UNC80: variants seen among roughly 807,000 people sequenced by gnomAD.
UNC80 encodes protein unc-80 homolog.
A neutral mutation model predicts 384.6 loss-of-function variants in UNC80; 164 were observed. The observed-to-expected ratio is 0.43, with a 90% CI of 0.38 to 0.49. UNC80 has a LOEUF of 0.49. UNC80 is among the 20% of genes least tolerant of loss of function. UNC80 has a pLI of 0.00. For missense variants in UNC80, 3,330 were observed against 4,143.0 expected (o/e 0.80, Z 5.39); for synonymous variants, 1,486 against 1,527.8 (o/e 0.97, Z 0.64).
Position 209,984,894 on chromosome 2 carries a change from C to T in UNC80, c.9296C>T (p.Ala3099Val). The part of the protein sequence containing the change: ...NVLDDSQGLA[A>V]EGSLSRVASI... ...CTCGATGACTCCCAGGGCCTGGCCG[C>T]CGAGGGCAGCCTCTCTAGGTACAGT... The change falls in exon 61 of 65, where the codon GCC becomes GTC. Residue 3099 changes from alanine to valine, a missense_variant. Physicochemically the swap from Ala to Val is moderately conservative, Grantham distance 64 (BLOSUM62 0). Transcript: ENST00000673920. The T allele has an allele frequency of 6.4e-7, 1 of 1,551,012 alleles. No homozygotes were observed.
intron 23 of UNC80, among the ~76,000 whole-genome samples, chr2:209,874,343 G>C (rs2084582292): frequency 1.3e-5 from 2 of 152,148 alleles, no homozygotes; most frequent in South Asian, 2.1e-4. Flanking sequence ...GTCTTATTGA[G>C]AGGCTTCTCT....
In UNC80 at chr2:209,918,017, A is replaced by G. The variant is rs1376877265; in HGVS notation, c.5211+59A>G. The G allele has an allele frequency of 8.1e-6, 12 of 1,483,466 alleles. No homozygotes were observed. The Admixed American group carries it at 1.8e-4, about 23-fold the overall frequency. The allele number at this position is 1,483,466 out of a possible 1,614,324, so 91.9% of individuals were successfully genotyped here. ...GCAAACCCAACCCAAGGTTTGTTTA[A>G]ACCGTTGAACCTCAAAGTCACAGTA... On this transcript the variant is annotated intron_variant, in intron 32 of 64. Transcript: ENST00000673920.
chr2:209,917,667 A>G, intron 31 of UNC80, 110 bp from the exon 32 acceptor site: 1 of 1,324,090 alleles, frequency 7.6e-7, no homozygotes, highest in Non-Finnish European at 1.0e-6. Context: ...CTAGCTCCAT[A>G]TAGCTCAGGA....
intron 14 of UNC80, among the ~76,000 whole-genome samples, chr2:209,828,278 A>T (rs1357822090): frequency 6.6e-6 from 1 of 152,182 alleles, no homozygotes; most frequent in Non-Finnish European, 1.5e-5. Context: ...TGCAAACTTC[A>T]TTTTATAGCT....
At chr2:209,907,218 A>T (rs751386031) in intron 29 of UNC80, among the ~76,000 whole-genome samples, 5 of 150,654 alleles carry the variant, frequency 3.3e-5, no homozygotes, top group Non-Finnish European at 1.5e-5. Context: ...CCAGCCGTTC[A>T]TCTATTCAAC....
intron 7 of UNC80, chr2:209,808,797 T>TGCGCTACTCAGCAACCTCGTTGCCTCG (rs71043952): frequency 1.8e-5 from 5 of 283,574 alleles, no homozygotes; most frequent in African/African-American, 4.6e-5. Flanking sequence ...TCGTTGCCTC[T>TGCGCTACTCAGCAACCTCGTTGCCTCG]GCCACCATGC....
At chr2:209,935,276 G>T (rs1196132978) in intron 39 of UNC80, among the ~76,000 whole-genome samples, 1 of 152,060 alleles carries the variant, frequency 6.6e-6, no homozygotes, top group South Asian at 2.1e-4. Flanking sequence ...CCCACATCAT[G>T]GGGTGGCTAT....
chr2:209,914,418 A>G (rs574157141), intron 31 of UNC80, among the ~76,000 whole-genome samples: 1 of 152,228 alleles, frequency 6.6e-6, no homozygotes, highest in Admixed American at 6.5e-5. Context: ...TGTATTCTTC[A>G]TTTTTCCACT....
In UNC80 at chr2:209,996,202, T is replaced by C. The variant is rs1436039138; in HGVS notation, c.*607T>C. The C allele has an allele frequency of 6.6e-6, 1 of 152,268 alleles. No individual in the cohort carries two copies. The highest frequency in any genetic ancestry group is 2.4e-5 in the African/African-American group (1 of 41,456). 9.4% of individuals were successfully genotyped at this position (152,268 alleles called of 1,614,324 possible). A position where few individuals can be genotyped will look rare whatever the true frequency, so the allele number is the denominator to read the frequency against. On this transcript the variant is annotated 3_prime_UTR_variant, in exon 65 of 65. Transcript: ENST00000673920. ...GCTGTGGACTTTTAGATATTTATTT[T>C]TCAACTATCATTTTCATTGCATGTT...
chr2:209,945,136 A>G lies in UNC80; in HGVS notation c.7136A>G (p.Asp2379Gly). 6.4e-7 allele frequency: 1 copy of G among 1,551,608 alleles called. No homozygotes were observed. The highest frequency in any genetic ancestry group is 8.7e-7 in the Non-Finnish European group (1 of 1,146,916). The change falls in exon 46 of 65, where the codon GAC becomes GGC. Residue 2379 changes from aspartate (D) to glycine (G), a missense_variant. This residue lies in a region of UNC80 where 1,049 missense variants were observed against 1,488.6 expected (regional missense o/e 0.70). Transcript: ENST00000673920. ...LLQSLEGETT[D>G]ILDILELVKA... ...CAGTCCCTAGAGGGAGAGACCACCG[A>G]CATATTAGACATCTTAGAGCTGGTC... is the stretch of plus-strand genomic sequence containing the variant.
At chr2:209,969,641 AT>A in intron 52 of UNC80, 126 bp from the exon 53 acceptor site, 1 of 1,328,540 alleles carries the variant, frequency 7.5e-7, no homozygotes, top group Non-Finnish European at 1.0e-6. Flanking sequence ...TTTTGGAACA[AT>A]ATGGGTAAAC....
rs781388030 is a variant in UNC80 at position 209,815,356 on chromosome 2, C to T, written c.1300C>T (p.Leu434Phe). The T allele has an allele frequency of 2.6e-6, 4 of 1,551,572 alleles. No homozygotes were observed. The South Asian group carries it at 3.6e-5, about 14-fold the overall frequency. ...TNLRRSAVPD[L>F]SSDLGMNIFK... ...TCTGCGTAGATCTGCAGTCCCAGATCTTTCTTCAGACCTGGGCATGAATAT... is the reference window on the plus strand; with the variant it reads ...TCTGCGTAGATCTGCAGTCCCAGATTTTTCTTCAGACCTGGGCATGAATAT... Residue 434 changes from leucine (L) to phenylalanine (F), a missense_variant, in exon 9 of 65, where the codon CTT becomes TTT. By Grantham distance (22) the Leu-to-Phe change is conservative (BLOSUM62 0). This residue lies in a region of UNC80 where 937 missense variants were observed against 1,026.8 expected (regional missense o/e 0.91). Transcript: ENST00000673920.
Position 209,793,781 on chromosome 2 carries a change from CA to C in UNC80, c.861del (p.Gly288AlafsTer30). On this transcript the variant is annotated frameshift_variant, in exon 7 of 65. Transcript: ENST00000673920. LOFTEE classifies it high-confidence loss of function. ...TCCATCTCACCCAAGGCCACCATTT[CA>C]GGCTGTCACCGAGGAAACTCCTTTG... is the stretch of plus-strand genomic sequence containing the variant. ...SDSISPKATI[S>X]GCHRGNSFDG... The C allele has an allele frequency of 6.2e-7, 1 of 1,614,186 alleles. No individual in the cohort carries two copies. Among genetic ancestry groups the C allele is most frequent in the Non-Finnish European group, 8.5e-7 (1 of 1,180,012 alleles).
intron 31 of UNC80, among the ~76,000 whole-genome samples, chr2:209,914,565 C>T (rs2089301497): frequency 6.9e-6 from 1 of 145,716 alleles, no homozygotes; most frequent in Non-Finnish European, 1.5e-5. Context: ...CTCCCCATCC[C>T]CCAGCCCCCT....
intron 53 of UNC80, 59 bp from the exon 54 acceptor site, chr2:209,970,773 C>T: frequency 1.3e-6 from 2 of 1,524,800 alleles, no homozygotes; most frequent in Non-Finnish European, 1.8e-6. Flanking sequence ...GACTCCTTTA[C>T]TACGGTTGCA....
intron 25 of UNC80, 50 bp downstream of exon 25, chr2:209,881,144 C>T (rs561560491): frequency 4.6e-6 from 7 of 1,531,754 alleles, no homozygotes; most frequent in African/African-American, 2.8e-5. Context: ...AGAGGCCAGG[C>T]GTGTGTCTGG....
At chr2:209,836,528 T>G (rs2081346062) in intron 18 of UNC80, among the ~76,000 whole-genome samples, 1 of 152,242 alleles carries the variant, frequency 6.6e-6, no homozygotes, top group African/African-American at 2.4e-5. Flanking sequence ...ACCTAATTTC[T>G]TAGCATTTAG....
At chr2:209,993,010 A>C (rs1357699269) in intron 62 of UNC80, among the ~76,000 whole-genome samples, 1 of 152,212 alleles carries the variant, frequency 6.6e-6, no homozygotes, top group East Asian at 1.9e-4. Context: ...TTAAATGAGC[A>C]AAGGTTGATC....
Position 209,978,601 on chromosome 2 carries a change from T to C in UNC80, c.9011T>C (p.Met3004Thr). The C allele has an allele frequency of 6.4e-7, 1 of 1,551,580 alleles. No homozygotes were observed. The highest frequency in any genetic ancestry group is 8.7e-7 in the Non-Finnish European group (1 of 1,146,880). ...GCTTACCGCCTGAGCTTGGCCACCATGTCCCGCTCTAACACGGGCACGGGC... is the reference window on the plus strand; with the variant it reads ...GCTTACCGCCTGAGCTTGGCCACCACGTCCCGCTCTAACACGGGCACGGGC... ...TSAYRLSLAT[M>T]SRSNTGTGTV... Residue 3004 changes from methionine (M) to threonine (T), a missense_variant, in exon 59 of 65, where the codon ATG becomes ACG. Around this residue, in one of 8 missense-constraint regions of UNC80, gnomAD observed 216 missense variants for 245.3 expected, o/e 0.88. Transcript: ENST00000673920.
Sources: gnomAD v4.1 joint callset for allele counts (sites outside exome capture counted in the v4.1 genomes callset) on GRCh38, gnomAD v4.1.1 for gene constraint, gnomAD v4.1.1 regional missense constraint, MANE v1.5 for transcripts, NCBI Gene and HGNC (gene_info 2026-07-23, HGNC 2026-07-21) for gene names.